Variants in NRXN2 observed in about 807,000 individuals in gnomAD.
NRXN2 encodes the protein neurexin-2-beta.
Under a neutral mutation model 128.8 loss-of-function variants are expected in NRXN2, and 29 were observed. That is an observed-to-expected ratio of 0.23 (90% CI 0.17 to 0.31). NRXN2 has a LOEUF of 0.31. NRXN2 is among the 10% of genes least tolerant of loss of function. The pLI, the probability that NRXN2 is intolerant of heterozygous loss-of-function variation, is 1.00. For missense variants in NRXN2, 1,881 were observed against 2,452.6 expected (o/e 0.77, Z 4.92); for synonymous variants, 1,098 against 1,075.2 (o/e 1.02, Z -0.41).
intron 1 of NRXN2, among the ~76,000 whole-genome samples, chr11:64,716,124 C>T (rs2057296701): frequency 6.6e-6 from 1 of 152,234 alleles, no homozygotes; most frequent in Admixed American, 6.5e-5. Flanking sequence ...TCAGTCTGGC[C>T]TGGCCTAGCC....
chr11:64,710,659 A>G (rs551876527), intron 2 of NRXN2, among the ~76,000 whole-genome samples: 1 of 152,292 alleles, frequency 6.6e-6, no homozygotes, highest in South Asian at 2.1e-4. Flanking sequence ...GGGGAAGGGT[A>G]GAGGAACCAG....
rs572813655 is a variant in NRXN2 at position 64,645,846 on chromosome 11, G to T, written c.3403+2373C>A. 2.6e-5 allele frequency among the ~76,000 whole-genome samples: 4 copies of T among 152,052 alleles called. No individual in the cohort carries two copies. The East Asian group carries it at 5.8e-4, about 22-fold the overall frequency. On this transcript the variant is annotated intron_variant, in intron 17 of 22. Transcript: ENST00000265459. ...GACAGGCCCTGCTCCTTCCACCTTTGCCATTTCTACCCTCTTTCCTCTCTT... is the reference window on the plus strand; with the variant it reads ...GACAGGCCCTGCTCCTTCCACCTTTTCCATTTCTACCCTCTTTCCTCTCTT...
Position 64,651,793 on chromosome 11 carries a change from G to A in NRXN2, c.2537-157C>T, listed in dbSNP as rs1014556829. ...CTAGCAGCCAGCACAGCTCCAAGAG[G>A]AGTGGCAGGACTCGCCAGTCAAGAG... On this transcript the variant is annotated intron_variant, in intron 13 of 22. Transcript: ENST00000265459. This position sits in a 1 kb window ranked among gnomAD's most constrained non-coding sequence, Gnocchi z 5.9. Among the ~76,000 whole-genome samples, 1 of 152,114 alleles carries A rather than the reference G, an allele frequency of 6.6e-6. No homozygotes were observed. Among genetic ancestry groups the A allele is most frequent in the African/African-American group, 2.4e-5 (1 of 41,414 alleles).
chr11:64,655,655 T>TGG (rs757524245), intron 11 of NRXN2, among the ~76,000 whole-genome samples: 2 of 152,086 alleles, frequency 1.3e-5, no homozygotes, highest in Admixed American at 1.3e-4. Context: ...GCACCAGGAA[T>TGG]GGGGGGTCCA....
At chr11:64,707,954 G>A (rs898203184) in intron 2 of NRXN2, among the ~76,000 whole-genome samples, 25 of 152,184 alleles carry the variant, frequency 1.6e-4, no homozygotes, top group Admixed American at 1.3e-4. Flanking sequence ...TTAGCCAGGC[G>A]TGGTGGTGCA....
At chr11:64,668,313 G>T in intron 8 of NRXN2, 130 bp downstream of exon 8, 2 of 1,149,552 alleles carry the variant, frequency 1.7e-6, no homozygotes, top group Non-Finnish European at 2.5e-6. Context: ...TTTAAAGAGG[G>T]GGTGTCTCCC....
intron 17 of NRXN2, chr11:64,643,221 G>A: frequency 2.0e-6 from 2 of 983,068 alleles, no homozygotes; most frequent in Non-Finnish European, 2.4e-6. Context: ...GGGGAGCGGG[G>A]CGGTGCGGGC....
intron 2 of NRXN2, among the ~76,000 whole-genome samples, chr11:64,712,048 G>A (rs529999202): frequency 1.4e-4 from 21 of 152,260 alleles, no homozygotes; most frequent in African/African-American, 5.1e-4. Context: ...TTGGCTCGCG[G>A]ACCTTCAAAG....
In NRXN2 at chr11:64,623,425, T is replaced by A; in HGVS notation, c.3848-347A>T. ...GCTCCAAGGTCATCTCCCCTCTTCA[T>A]CCTCTTCCCTCAGTCCATCCCCATC... On this transcript the variant is annotated intron_variant, in intron 20 of 22. Coordinates refer to ENST00000265459, the MANE Select transcript of NRXN2 (RefSeq NM_015080.4). The surrounding 1 kb of genome is among the most constrained non-coding windows in gnomAD (Gnocchi z 4.9). 5.6e-6 allele frequency: 2 copies of A among 354,718 alleles called. No individual in the cohort carries two copies. The highest frequency in any genetic ancestry group is 3.2e-5 in the South Asian group (1 of 31,076). The allele number at this position is 354,718 out of a possible 1,614,324, so 22.0% of individuals were successfully genotyped here. A position where few individuals can be genotyped will look rare whatever the true frequency, so the allele number is the denominator to read the frequency against.
At chr11:64,671,784 A>G (rs918663257) in intron 7 of NRXN2, among the ~76,000 whole-genome samples, 3 of 152,030 alleles carry the variant, frequency 2.0e-5, no homozygotes, top group Non-Finnish European at 4.4e-5. Context: ...ACTAGGACAG[A>G]GACACTTATG....
chr11:64,713,584 G>T lies in NRXN2; in HGVS notation c.116C>A (p.Ala39Asp). The change falls in exon 2 of 23, where the codon GCT becomes GAT. Residue 39 changes from alanine to aspartate, a missense_variant. Ala to Asp is a moderately radical substitution (Grantham distance 126). Coordinates refer to ENST00000265459, the MANE Select transcript of NRXN2 (RefSeq NM_015080.4). ...CGCGCCCGCCCAGCGCGCGTAGCGA[G>T]CCCACTGCCCGGGGCCGCCGCCGAA... Reference protein sequence around the residue: ...LEFGGGPGQWARYARWAGAAS... With the variant: ...LEFGGGPGQWDRYARWAGAAS... 1 of 1,370,166 alleles carries T rather than the reference G, an allele frequency of 7.3e-7. No homozygotes were observed. The highest frequency in any genetic ancestry group is 9.4e-7 in the Non-Finnish European group (1 of 1,061,838). The allele number at this position is 1,370,166 out of a possible 1,614,324, so 84.9% of individuals were successfully genotyped here.
chr11:64,666,761 C>T (rs748011714), intron 9 of NRXN2, among the ~76,000 whole-genome samples: 6 of 151,972 alleles, frequency 3.9e-5, no homozygotes, highest in Non-Finnish European at 8.8e-5. Context: ...GATGGGGTTT[C>T]GCCGTGTTAG....
chr11:64,607,015 C>T lies in NRXN2; in HGVS notation c.*181G>A, dbSNP rs563001503. Reference sequence around the variant, plus strand: ...GGGACTGACGAGGCCGCGCAGTGGACGGCAGGAGGAAGGGGGCGAGCACGG... The same window carrying T: ...GGGACTGACGAGGCCGCGCAGTGGATGGCAGGAGGAAGGGGGCGAGCACGG... On this transcript the variant is annotated 3_prime_UTR_variant, in exon 23 of 23. Coordinates refer to ENST00000265459, the MANE Select transcript of NRXN2 (RefSeq NM_015080.4). 3.3e-4 allele frequency: 218 copies of T among 659,312 alleles called. 1 individual carries two copies. The highest frequency in any genetic ancestry group is 2.6e-3 in the African/African-American group (141 of 54,920). 40.8% of individuals were successfully genotyped at this position (659,312 alleles called of 1,614,324 possible). A position where few individuals can be genotyped will look rare whatever the true frequency, so the allele number is the denominator to read the frequency against.
At chr11:64,615,195 C>A (rs562614283) in intron 22 of NRXN2, among the ~76,000 whole-genome samples, 12 of 152,234 alleles carry the variant, frequency 7.9e-5, no homozygotes, top group Admixed American at 2.0e-4. Context: ...CAACTCCATG[C>A]CGGGTCCCCT....
chr11:64,697,287 C>T (rs1288626319), intron 3 of NRXN2, among the ~76,000 whole-genome samples: 1 of 152,144 alleles, frequency 6.6e-6, no homozygotes, highest in Admixed American at 6.5e-5. Flanking sequence ...CAGTGCACTC[C>T]ACCACCCTCC....
At chr11:64,677,166 G>GA in intron 6 of NRXN2, 129 bp from the exon 7 acceptor site, 1 of 648,378 alleles carries the variant, frequency 1.5e-6, no homozygotes, top group Non-Finnish European at 2.7e-6. Context: ...AAGGAACGAG[G>GA]AAAAAATATA....
intron 15 of NRXN2, among the ~76,000 whole-genome samples, chr11:64,649,734 C>T (rs1035376162): frequency 6.6e-6 from 1 of 152,130 alleles, no homozygotes; most frequent in African/African-American, 2.4e-5. Flanking sequence ...AGGCTGATGC[C>T]CAGGGGTTCC....
intron 22 of NRXN2, among the ~76,000 whole-genome samples, chr11:64,619,319 C>T (rs2041981360): frequency 6.6e-6 from 1 of 152,042 alleles, no homozygotes; most frequent in Admixed American, 6.5e-5. Flanking sequence ...GGAAATCTGG[C>T]CACATCCAGT....
At chr11:64,625,991 C>G (rs1269148772) in intron 20 of NRXN2, among the ~76,000 whole-genome samples, 1 of 152,170 alleles carries the variant, frequency 6.6e-6, no homozygotes, top group Non-Finnish European at 1.5e-5. Context: ...TCTGGTGAAG[C>G]CTTCCTAAAC....
Sources: gnomAD v4.1 joint callset for allele counts (sites outside exome capture counted in the v4.1 genomes callset) on GRCh38, gnomAD v4.1.1 for gene constraint, Gnocchi (gnomAD v3.1) non-coding constraint, MANE v1.5 for transcripts, NCBI Gene and HGNC (gene_info 2026-07-23, HGNC 2026-07-21) for gene names.